Variants in NXN observed in about 807,000 individuals in gnomAD.
The protein encoded by NXN is nucleoredoxin, also known as nucleoredoxin 1.
NXN carries 16 observed loss-of-function variants against 48.6 expected under a neutral mutation model. That is an observed-to-expected ratio of 0.33 (90% confidence interval 0.22 to 0.50). The LOEUF is 0.50. Ranked by LOEUF, NXN falls within the 20% of genes least tolerant of loss-of-function variation. The pLI is 0.98. For missense variants in NXN, 492 were observed against 605.5 expected, an observed-to-expected ratio of 0.81 and a Z score of 1.97; for synonymous variants, 281 against 269.6, an observed-to-expected ratio of 1.04 and a Z score of -0.41.
intron 1 of NXN, among the ~76,000 whole-genome samples, chr17:832,991 C>T (rs570603479): frequency 1.3e-5 from 2 of 152,216 alleles, no homozygotes; most frequent in African/African-American, 4.8e-5. Context: ...CCTGGGTTCA[C>T]ACCATTCTCC....
intron 1 of NXN, among the ~76,000 whole-genome samples, chr17:951,486 G>A (rs144318147): frequency 7.8e-4 from 113 of 144,934 alleles, no homozygotes; most frequent in Admixed American, 1.9e-3. Context: ...AGATGCTCAC[G>A]CTCTCTTTTT....
At position 849,284 on chromosome 17, in the gene NXN, G is replaced by A. The variant is rs1227738845; in HGVS notation, c.361-23206C>T. Among the ~76,000 whole-genome samples the A allele has an allele frequency of 1.3e-5, 2 of 152,222 alleles. No homozygotes were observed. The highest frequency in any genetic ancestry group is 4.8e-5 in the African/African-American group (2 of 41,458). On this transcript the variant is annotated intron_variant, in intron 1 of 7. Transcript: ENST00000336868. The surrounding 1 kb of genome is among the most constrained non-coding windows in gnomAD (Gnocchi z 4.2). ...GCAGTGGCTCACGCCTGTAATCCCAGCACTTTGGGAGGCCGAGACAGGTGG... is the reference window on the plus strand; with the variant it reads ...GCAGTGGCTCACGCCTGTAATCCCAACACTTTGGGAGGCCGAGACAGGTGG...
intron 1 of NXN, among the ~76,000 whole-genome samples, chr17:844,404 C>T (rs2067837309): frequency 6.6e-6 from 1 of 151,590 alleles, no homozygotes; most frequent in South Asian, 2.1e-4. Flanking sequence ...TCACACGTCC[C>T]GTCCTGCCCT....
At chr17:875,176 C>A (rs994136526) in intron 1 of NXN, among the ~76,000 whole-genome samples, 1 of 151,952 alleles carries the variant, frequency 6.6e-6, no homozygotes, top group Admixed American at 6.6e-5. Context: ...GGATTACAGG[C>A]GCACGCCACC....
At chr17:903,778 C>G (rs2068558034) in intron 1 of NXN, among the ~76,000 whole-genome samples, 1 of 152,150 alleles carries the variant, frequency 6.6e-6, no homozygotes, top group Non-Finnish European at 1.5e-5. Flanking sequence ...CACTGAGGTT[C>G]AGAGAGGCTA....
intron 1 of NXN, among the ~76,000 whole-genome samples, chr17:856,972 C>T (rs2067992577): frequency 6.6e-6 from 1 of 152,170 alleles, no homozygotes; most frequent in Non-Finnish European, 1.5e-5. Flanking sequence ...CTACACGTCA[C>T]CCAGTTCCAG....
chr17:807,135 G>A (rs74505002), intron 5 of NXN, among the ~76,000 whole-genome samples: 15,717 of 152,154 alleles, frequency 0.1, 1,825 homozygotes, highest in African/African-American at 0.29. Flanking sequence ...CATGAGGCTC[G>A]GGGGCTGGTC....
intron 1 of NXN, among the ~76,000 whole-genome samples, chr17:865,354 T>C (rs1201774730): frequency 6.6e-6 from 1 of 152,032 alleles, no homozygotes; most frequent in African/African-American, 2.4e-5. Context: ...GTGATTCTCC[T>C]GCCTCAGCCT....
chr17:866,655 G>GTACGTGCA (rs2068098565), intron 1 of NXN, among the ~76,000 whole-genome samples: 1 of 152,140 alleles, frequency 6.6e-6, no homozygotes, highest in Non-Finnish European at 1.5e-5. Context: ...CCTGTTTTAA[G>GTACGTGCA]TACGTGCATG....
intron 1 of NXN, among the ~76,000 whole-genome samples, chr17:838,126 C>A (rs117810088): frequency 5.0e-4 from 50 of 99,190 alleles, no homozygotes; most frequent in East Asian, 3.1e-3. Flanking sequence ...TCCTTTCCTT[C>A]TTTTTTTTTT....
At chr17:965,654 C>G (rs1231891336) in intron 1 of NXN, among the ~76,000 whole-genome samples, 1 of 152,126 alleles carries the variant, frequency 6.6e-6, no homozygotes, top group Non-Finnish European at 1.5e-5. Flanking sequence ...CATAACCCCC[C>G]AACTCTATCC....
intron 5 of NXN, among the ~76,000 whole-genome samples, chr17:808,558 G>A (rs915310116): frequency 3.3e-5 from 5 of 150,940 alleles, no homozygotes; most frequent in Non-Finnish European, 7.4e-5. Flanking sequence ...GCCTCCCAAA[G>A]TGCTGAGATA....
intron 1 of NXN, among the ~76,000 whole-genome samples, chr17:843,694 G>A (rs1459179729): frequency 1.3e-5 from 2 of 152,218 alleles, no homozygotes; most frequent in Admixed American, 6.5e-5. Context: ...GGTTTCTGTG[G>A]CTTGCAGCCT....
In NXN at chr17:978,861, T is replaced by TG. The variant is rs1453616184; in HGVS notation, c.360+457dup. Among the ~76,000 whole-genome samples, 2 of 149,884 alleles carry TG rather than the reference T, an allele frequency of 1.3e-5. No homozygotes were observed. Among genetic ancestry groups the TG allele is most frequent in the African/African-American group, 4.9e-5 (2 of 40,524 alleles). On this transcript the variant is annotated intron_variant, in intron 1 of 7. Coordinates refer to ENST00000336868, the MANE Select transcript of NXN (RefSeq NM_022463.5). The surrounding 1 kb of genome is among the most constrained non-coding windows in gnomAD (Gnocchi z 4.1). ...CCCTCCCCTCCCCTCCCCTCCCCAC[T>TG]GTGGGAATCCGCGGGGGTCGGCGGC...
chr17:966,174 G>T (rs1019144112), intron 1 of NXN, among the ~76,000 whole-genome samples: 1 of 151,874 alleles, frequency 6.6e-6, no homozygotes, highest in South Asian at 2.1e-4. Context: ...CATGGTAACA[G>T]AAGTCTACAT....
chr17:909,069 A>G (rs950523211), intron 1 of NXN, among the ~76,000 whole-genome samples: 1 of 139,018 alleles, frequency 7.2e-6, no homozygotes, highest in Non-Finnish European at 1.5e-5. Context: ...ACTGCACTCC[A>G]GCCTGGGCGA....
chr17:953,770 C>CT (rs1282976403), intron 1 of NXN, among the ~76,000 whole-genome samples: 1 of 151,438 alleles, frequency 6.6e-6, no homozygotes, highest in Non-Finnish European at 1.5e-5. Context: ...ACCCCCATCT[C>CT]TAACAAAAAT....
At chr17:812,773 GGTGTGTGCATGTGTGTAGGT>G (rs1435696795) in intron 5 of NXN, among the ~76,000 whole-genome samples, 4 of 145,678 alleles carry the variant, frequency 2.7e-5, no homozygotes, top group Non-Finnish European at 4.6e-5. Context: ...TGTGAGTGTA[GGTGTGTGCATGTGTGTAGGT>G]GTGTGTGCGT....
intron 6 of NXN, 124 bp from the exon 7 acceptor site, chr17:803,930 T>TGAA (rs1204515596): frequency 7.8e-7 from 1 of 1,288,366 alleles, no homozygotes; most frequent in Non-Finnish European, 1.1e-6. Context: ...TGAACGGAAA[T>TGAA]GAACTTCCCC....
Sources: allele counts gnomAD v4.1 joint callset (sites outside exome capture counted in the v4.1 genomes callset), GRCh38; gene constraint gnomAD v4.1.1; non-coding constraint Gnocchi (gnomAD v3.1); transcripts MANE v1.5; gene names NCBI Gene and HGNC (gene_info 2026-07-23, HGNC 2026-07-21).